RBM47: variants seen among roughly 807,000 people sequenced by gnomAD.
The protein encoded by RBM47 is RNA-binding protein 47.
RBM47 carries 21 observed loss-of-function variants against 47.1 expected under a neutral mutation model. The observed-to-expected ratio is 0.45, with a 90% CI of 0.32 to 0.64. RBM47 has a LOEUF of 0.64. Ranked by LOEUF, RBM47 falls within the 30% of genes least tolerant of loss-of-function variation. The probability of loss-of-function intolerance (pLI) is 0.05; values close to 1 mark genes in which losing one functional copy is unlikely to be tolerated. For missense variants in RBM47, 708 were observed against 870.9 expected, an observed-to-expected ratio of 0.81 and a Z score of 2.35; for synonymous variants, 375 against 361.7, an observed-to-expected ratio of 1.04 and a Z score of -0.42.
rs1160433317 is a variant in RBM47, at chr4:40,628,626, C to G, written c.-240+770G>C. 6.6e-6 allele frequency among the ~76,000 whole-genome samples: 1 copy of G among 151,776 alleles called. No homozygotes were observed. Among genetic ancestry groups the G allele is most frequent in the Non-Finnish European group, 1.5e-5 (1 of 68,010 alleles). On this transcript the variant is annotated intron_variant, in intron 1 of 6. Transcript: ENST00000295971. This position sits in a 1 kb window ranked among gnomAD's most constrained non-coding sequence, Gnocchi z 4.0. ...ATACATTTTAAAATCTATATTCCTG[C>G]TAAAGAAAACAGTGAGTCATTAAAA...
chr4:40,615,135 AT>A (rs940680035), intron 1 of RBM47, among the ~76,000 whole-genome samples: 2 of 151,630 alleles, frequency 1.3e-5, no homozygotes, highest in African/African-American at 4.8e-5. Context: ...CAAAAAAATA[AT>A]AATAATAAAA....
intron 5 of RBM47, among the ~76,000 whole-genome samples, chr4:40,436,198 AC>A (rs1253403045): frequency 9.8e-4 from 44 of 45,000 alleles, no homozygotes; most frequent in Non-Finnish European, 1.2e-3. Flanking sequence ...AAACAAACAA[AC>A]AAACAAAAAA....
chr4:40,548,065 G>GAGTAA (rs1729191084), intron 1 of RBM47, among the ~76,000 whole-genome samples: 2 of 152,220 alleles, frequency 1.3e-5, no homozygotes, highest in South Asian at 4.1e-4. Context: ...GTGGAGCACA[G>GAGTAA]AGTTGGGACG....
At chr4:40,569,567 A>C (rs979390932) in intron 1 of RBM47, among the ~76,000 whole-genome samples, 1 of 143,346 alleles carries the variant, frequency 7.0e-6, no homozygotes, top group Admixed American at 7.1e-5. Flanking sequence ...CCACCACCAC[A>C]CCCGGCTAAT....
chr4:40,435,872 T>C (rs1712248172), intron 5 of RBM47, among the ~76,000 whole-genome samples: 1 of 151,398 alleles, frequency 6.6e-6, no homozygotes, highest in African/African-American at 2.4e-5. Context: ...AAAACCTTAC[T>C]GCATGGCCAG....
In RBM47 at chr4:40,438,468, G is replaced by A. The variant is rs755990777; in HGVS notation, c.426C>T (p.Leu142=). Residue 142 remains leucine, a synonymous_variant, in exon 4 of 7, where the codon CTC becomes CTT. Transcript: ENST00000295971. ...AGTTGTCCACGCTGCAGCACACGCC[G>A]AGCAGGCGGCCCGGGCGGATCTCGT... The part of the protein sequence containing the change: ...NNYEIRPGRL[L]GVCCSVDNCR... The A allele has an allele frequency of 3.7e-6, 6 of 1,613,520 alleles. No homozygotes were observed. The Admixed American group carries it at 5.0e-5, about 13-fold the overall frequency.
chr4:40,553,236 CTATCTT>C lies in RBM47; in HGVS notation c.-239-8736_-239-8731del, dbSNP rs1346657674. 2.6e-5 allele frequency among the ~76,000 whole-genome samples: 4 copies of C among 151,812 alleles called. No individual in the cohort carries two copies. In the East Asian group the frequency reaches 5.8e-4, roughly 22 times the overall value. On this transcript the variant is annotated intron_variant, in intron 1 of 6. Transcript: ENST00000295971. ...ACTGTATACTCTTTCTTCCTCTTCC[CTATCTT>C]TATTTCTCTTCTTTGCTCATATTAT...
chr4:40,527,932 C>A (rs910416501), intron 2 of RBM47, among the ~76,000 whole-genome samples: 4 of 152,112 alleles, frequency 2.6e-5, no homozygotes, highest in African/African-American at 9.7e-5. Context: ...TGTTAGTTTG[C>A]AGAAGAGAAG....
chr4:40,603,922 T>A (rs972937485), intron 1 of RBM47, among the ~76,000 whole-genome samples: 2 of 152,144 alleles, frequency 1.3e-5, no homozygotes, highest in African/African-American at 4.8e-5. Flanking sequence ...TTTCAATCAG[T>A]GCTGATTTTA....
At chr4:40,461,207 T>G (rs1717095242) in intron 3 of RBM47, among the ~76,000 whole-genome samples, 1 of 152,226 alleles carries the variant, frequency 6.6e-6, no homozygotes, top group East Asian at 1.9e-4. Context: ...TTAATTGCTA[T>G]TCATGTCTCG....
intron 2 of RBM47, among the ~76,000 whole-genome samples, chr4:40,474,109 C>G (rs1252137209): frequency 1.3e-5 from 2 of 152,192 alleles, no homozygotes; most frequent in African/African-American, 4.8e-5. Context: ...ACGCTGTTAA[C>G]TGCCCAGCCT....
At chr4:40,466,545 G>A (rs1398876037) in intron 3 of RBM47, 32 bp downstream of exon 3, 3 of 152,042 alleles carry the variant, frequency 2.0e-5, no homozygotes, top group Non-Finnish European at 4.4e-5. Flanking sequence ...TGCTTAAGTG[G>A]AAGGGAAAAG....
intron 1 of RBM47, among the ~76,000 whole-genome samples, chr4:40,611,323 A>G (rs186674679): frequency 4.5e-4 from 68 of 152,302 alleles, no homozygotes; most frequent in Admixed American, 1.2e-3. Context: ...CTTCTCAACA[A>G]CCCAGAATAC....
intron 2 of RBM47, among the ~76,000 whole-genome samples, chr4:40,507,925 G>C (rs908554905): frequency 2.0e-5 from 3 of 152,066 alleles, no homozygotes; most frequent in African/African-American, 7.2e-5. Flanking sequence ...AATTAGCCAG[G>C]CGTGGTGGCG....
chr4:40,607,894 C>T (rs1199445850), intron 1 of RBM47, among the ~76,000 whole-genome samples: 1 of 152,030 alleles, frequency 6.6e-6, no homozygotes, highest in Non-Finnish European at 1.5e-5. Flanking sequence ...TGCCTGTGTT[C>T]AAGAGTTGAA....
In RBM47 at chr4:40,437,089, A is replaced by AT. The variant is rs1560357042; in HGVS notation, c.1124-443_1124-442insA. 5.5e-3 allele frequency among the ~76,000 whole-genome samples: 295 copies of AT among 53,928 alleles called. 52 individuals carry two copies. Among genetic ancestry groups the AT allele is most frequent in the African/African-American group, 0.026 (242 of 9,450 alleles). The allele number at this position is 53,928 out of a possible 152,430, so 35.4% of individuals were successfully genotyped here. A position where few individuals can be genotyped will look rare whatever the true frequency, so the allele number is the denominator to read the frequency against. On this transcript the variant is annotated intron_variant, in intron 4 of 6. Coordinates refer to ENST00000295971, the MANE Select transcript of RBM47 (RefSeq NM_001098634.2). ...ACCCTGTCTCAAAAAAAAAAAAAAA[A>AT]AATATATATATATATATATATAAAA...
intron 2 of RBM47, among the ~76,000 whole-genome samples, chr4:40,523,821 C>T (rs150948139): frequency 0.022 from 3,315 of 148,342 alleles, 135 homozygotes; most frequent in African/African-American, 0.078. Flanking sequence ...GCAGTAATCG[C>T]GCCACTGCAC....
chr4:40,501,598 T>C (rs1238812092), intron 2 of RBM47, among the ~76,000 whole-genome samples: 1 of 152,218 alleles, frequency 6.6e-6, no homozygotes, highest in Admixed American at 6.5e-5. Flanking sequence ...TTAAACAAAT[T>C]TAAATAACTG....
chr4:40,488,635 T>C (rs890998604), intron 2 of RBM47, among the ~76,000 whole-genome samples: 8 of 152,120 alleles, frequency 5.3e-5, no homozygotes, highest in African/African-American at 1.7e-4. Context: ...TGGTAGCAAA[T>C]GCAGGTGAGG....
Sources: gnomAD v4.1 joint callset for allele counts (sites outside exome capture counted in the v4.1 genomes callset) on GRCh38, gnomAD v4.1.1 for gene constraint, Gnocchi (gnomAD v3.1) non-coding constraint, MANE v1.5 for transcripts, NCBI Gene and HGNC (gene_info 2026-07-23, HGNC 2026-07-21) for gene names.